The following PPIG variants were observed in gnomAD, a reference collection of about 807,000 sequenced individuals.
PPIG encodes the protein peptidylprolyl isomerase G, also known as peptidyl-prolyl cis-trans isomerase G.
PPIG carries 26 observed loss-of-function variants against 87.9 expected under a neutral mutation model. The observed-to-expected ratio is 0.30, with a 90% CI of 0.22 to 0.41. The LOEUF is 0.41. Ranked by LOEUF, PPIG falls within the 10% of genes least tolerant of loss-of-function variation. The probability of loss-of-function intolerance (pLI) is 1.00; values close to 1 mark genes in which losing one functional copy is unlikely to be tolerated. For missense variants in PPIG, 722 were observed against 879.4 expected, an observed-to-expected ratio of 0.82 and a Z score of 2.26; for synonymous variants, 308 against 276.5, an observed-to-expected ratio of 1.11 and a Z score of -1.13.
At chr2:169,631,511 T>G in intron 10 of PPIG, 6 of 1,122,944 alleles carry the variant, frequency 5.3e-6, no homozygotes, top group Non-Finnish European at 6.8e-6. Flanking sequence ...TCACATAGTT[T>G]CATATTTTTT....
At chr2:169,598,351 C>T (rs1392654341) in intron 1 of PPIG, among the ~76,000 whole-genome samples, 5 of 151,902 alleles carry the variant, frequency 3.3e-5, no homozygotes, top group East Asian at 1.9e-4. Flanking sequence ...AGTGCAGTGG[C>T]GCGATCTTGG....
chr2:169,605,838 A>G (rs13418058), intron 4 of PPIG, among the ~76,000 whole-genome samples: 1,541 of 152,268 alleles, frequency 0.01, 28 homozygotes, highest in African/African-American at 0.036. Flanking sequence ...GTAAAGGTAT[A>G]TTATTTGAGA....
chr2:169,625,688 CCTG>C (rs563220116), intron 9 of PPIG, among the ~76,000 whole-genome samples: 43 of 152,198 alleles, frequency 2.8e-4, no homozygotes, highest in African/African-American at 8.2e-4. Flanking sequence ...CAAGCCTCCT[CCTG>C]CTATTTCCTT....
At chr2:169,599,109 A>G (rs544959904) in intron 1 of PPIG, among the ~76,000 whole-genome samples, 1 of 152,208 alleles carries the variant, frequency 6.6e-6, no homozygotes, top group African/African-American at 2.4e-5. Context: ...TCTTAAATGC[A>G]TTTGTAATAT....
intron 7 of PPIG, among the ~76,000 whole-genome samples, chr2:169,613,651 C>T (rs755881883): frequency 5.9e-5 from 9 of 151,984 alleles, no homozygotes; most frequent in Non-Finnish European, 1.3e-4. Context: ...AAACTCTCAG[C>T]GGGGCAATGA....
At chr2:169,602,962 A>G (rs1685225226) in intron 1 of PPIG, among the ~76,000 whole-genome samples, 1 of 152,140 alleles carries the variant, frequency 6.6e-6, no homozygotes, top group Non-Finnish European at 1.5e-5. Flanking sequence ...TTACCTTCCT[A>G]ATGGTTTGGA....
chr2:169,636,257 G>T, intron 13 of PPIG, 29 bp downstream of exon 13: 6 of 1,564,998 alleles, frequency 3.8e-6, no homozygotes, highest in Non-Finnish European at 5.2e-6. Context: ...TATTTCAAAT[G>T]TAATGATAAG....
At chr2:169,594,875 G>A (rs1362002458) in intron 1 of PPIG, among the ~76,000 whole-genome samples, 1 of 151,830 alleles carries the variant, frequency 6.6e-6, no homozygotes, top group Non-Finnish European at 1.5e-5. Flanking sequence ...TGATGCCTTG[G>A]CCTCCCAAAG....
Position 169,637,469 on chromosome 2 carries a change from T to C in PPIG, c.2211T>C (p.Asn737=), listed in dbSNP as rs773247410. 1 of 1,602,962 alleles carries C rather than the reference T, an allele frequency of 6.2e-7. No individual in the cohort carries two copies. The highest frequency in any genetic ancestry group is 8.5e-7 in the Non-Finnish European group (1 of 1,177,498). Residue 737 remains asparagine (N), a synonymous_variant, in exon 14 of 14, where the codon AAT becomes AAC. Transcript: ENST00000260970. ...AAAATGACCATGTACATGAAAAAAA[T>C]AAAAAATTTGATCATGAATCAAGCC... The part of the protein sequence containing the change: ...GQENDHVHEK[N]KKFDHESSPG...
chr2:169,599,442 A>C (rs1399377160), intron 1 of PPIG, among the ~76,000 whole-genome samples: 1 of 152,084 alleles, frequency 6.6e-6, no homozygotes, highest in Non-Finnish European at 1.5e-5. Flanking sequence ...TAGACATTTA[A>C]GTTGTTTGTG....
At chr2:169,585,268 G>GTTTTTTTTTTTTTTTTTTTT (rs1476229562) in intron 1 of PPIG, among the ~76,000 whole-genome samples, 2 of 22,106 alleles carry the variant, frequency 9.0e-5, no homozygotes, top group Non-Finnish European at 2.1e-4. Flanking sequence ...TTCTTGGTTA[G>GTTTTTTTTTTTTTTTTTTTT]TCTTTTTTTT....
At chr2:169,636,351 C>G in intron 13 of PPIG, 62 bp from the exon 14 acceptor site, 1 of 1,459,322 alleles carries the variant, frequency 6.9e-7, no homozygotes. Context: ...ATCATTTTAG[C>G]TAATAATATC....
chr2:169,619,788 G>C (rs1202001558), intron 9 of PPIG, among the ~76,000 whole-genome samples: 2 of 151,864 alleles, frequency 1.3e-5, no homozygotes, highest in Non-Finnish European at 2.9e-5. Context: ...CAGGTGTGAA[G>C]TGCTATCTCA....
chr2:169,617,486 T>C (rs897167694), intron 9 of PPIG, among the ~76,000 whole-genome samples: 5 of 152,336 alleles, frequency 3.3e-5, no homozygotes, highest in Admixed American at 2.0e-4. Context: ...ATTCTCCCTA[T>C]CCATGAGCAT....
chr2:169,593,988 A>G (rs1684944186), intron 1 of PPIG, among the ~76,000 whole-genome samples: 1 of 152,016 alleles, frequency 6.6e-6, no homozygotes, highest in Non-Finnish European at 1.5e-5. Flanking sequence ...TTTCCAAATT[A>G]TTAATCTTCA....
intron 1 of PPIG, among the ~76,000 whole-genome samples, chr2:169,595,323 A>C (rs1016970510): frequency 9.2e-5 from 14 of 152,230 alleles, no homozygotes; most frequent in African/African-American, 3.1e-4. Flanking sequence ...GTTACGTGAG[A>C]TATTTTGATA....
intron 1 of PPIG, among the ~76,000 whole-genome samples, chr2:169,589,360 A>G (rs1338075918): frequency 6.6e-6 from 1 of 152,144 alleles, no homozygotes; most frequent in East Asian, 1.9e-4. Context: ...TTCATTAGCA[A>G]CTTGGCATTT....
chr2:169,636,021 C>A, intron 12 of PPIG, 71 bp from the exon 13 acceptor site: 1 of 1,224,238 alleles, frequency 8.2e-7, no homozygotes, highest in Non-Finnish European at 1.1e-6. Flanking sequence ...GTACTTCCCT[C>A]CCTCCCAGCA....
In PPIG at chr2:169,632,796, T is replaced by G. The variant is rs181331179; in HGVS notation, c.930-364T>G. Among the ~76,000 whole-genome samples the G allele has an allele frequency of 4.2e-3, 639 of 151,762 alleles. 1 individual carries two copies. The highest frequency in any genetic ancestry group is 0.015 in the African/African-American group (606 of 41,426). On this transcript the variant is annotated intron_variant, in intron 11 of 13. Transcript: ENST00000260970. ...TGTCCAAAAGTAGAAAAAGGAATAT[T>G]GAAATATTTTTCTTAGTTATGATCA...
Sources: gnomAD v4.1 joint callset for allele counts (sites outside exome capture counted in the v4.1 genomes callset) on GRCh38, gnomAD v4.1.1 for gene constraint, MANE v1.5 for transcripts, NCBI Gene and HGNC (gene_info 2026-07-23, HGNC 2026-07-21) for gene names.